Variants in ASIC2 observed in about 807,000 individuals in gnomAD.
The protein encoded by ASIC2 is acid sensing ion channel subunit 2.
Under a neutral mutation model 57.3 loss-of-function variants are expected in ASIC2, and 25 were observed. The ratio of observed to expected loss-of-function variants is 0.44; its 90% CI spans 0.32 to 0.61. The LOEUF (loss-of-function observed/expected upper bound fraction) is 0.61. ASIC2 is among the 20% of genes least tolerant of loss of function. The probability of loss-of-function intolerance (pLI) is 0.06; values close to 1 mark genes in which losing one functional copy is unlikely to be tolerated. For missense variants in ASIC2, 641 were observed against 738.1 expected (o/e 0.87, Z 1.52); for synonymous variants, 319 against 307.5 (o/e 1.04, Z -0.39).
At chr17:34,054,027 A>T (rs1276961349) in intron 1 of ASIC2, among the ~76,000 whole-genome samples, 1 of 152,266 alleles carries the variant, frequency 6.6e-6, no homozygotes, top group Non-Finnish European at 1.5e-5. Flanking sequence ...ACCAGAGCAG[A>T]CCTTGTAGAG....
At chr17:33,633,752 A>G (rs1906253763) in intron 1 of ASIC2, among the ~76,000 whole-genome samples, 1 of 152,306 alleles carries the variant, frequency 6.6e-6, no homozygotes. Flanking sequence ...AGCCTGTCCT[A>G]TTCTAAGGCA....
chr17:33,670,813 G>A (rs35207850), intron 1 of ASIC2, among the ~76,000 whole-genome samples: 8,060 of 152,286 alleles, frequency 0.053, 564 homozygotes, highest in African/African-American at 0.16. Context: ...ATGTGCACCA[G>A]TCCTAGAGTT....
chr17:34,095,450 G>T (rs1458751772), intron 1 of ASIC2, among the ~76,000 whole-genome samples: 2 of 151,860 alleles, frequency 1.3e-5, no homozygotes, highest in Admixed American at 6.6e-5. Flanking sequence ...GGGTTTTATT[G>T]TAAGTGGTTT....
rs185887563 is a variant in ASIC2 at position 33,873,221 on chromosome 17, C to A, written c.555+282757G>T. The stretch of plus-strand genomic sequence containing the variant: ...CTTGGTCAAAATCTTTCTCCCAAGA[C>A]GACAAAGATAAGGATTATCCCCCTT... On this transcript the variant is annotated intron_variant, in intron 1 of 9. Coordinates refer to the ASIC2 transcript ENST00000359872. Among the ~76,000 whole-genome samples, 8 of 152,246 alleles carry A rather than the reference C, an allele frequency of 5.3e-5. No individual in the cohort carries two copies. In the South Asian group the frequency reaches 1.7e-3, roughly 32 times the overall value.
At position 33,157,237 on chromosome 17, in the gene ASIC2, G is replaced by A. The variant is rs117423385; in HGVS notation, c.709-45170C>T. Among the ~76,000 whole-genome samples, 609 of 152,232 alleles carry A rather than the reference G, an allele frequency of 4.0e-3. 2 individuals are homozygous for A. The highest frequency in any genetic ancestry group is 6.2e-3 in the Admixed American group (95 of 15,292). The stretch of plus-strand genomic sequence containing the variant: ...GGGAAACCAACCAATCAGGGCTTCT[G>A]ACAAAATGAAGGCCAAGAATGATGT... On this transcript the variant is annotated intron_variant, in intron 1 of 9. Transcript: ENST00000225823.
intron 1 of ASIC2, among the ~76,000 whole-genome samples, chr17:33,662,794 A>G (rs1024535032): frequency 8.6e-6 from 1 of 115,618 alleles, no homozygotes; most frequent in Admixed American, 1.2e-4. Flanking sequence ...TTTTCTTCCC[A>G]GAATTTAAGG....
Position 33,137,750 on chromosome 17 carries a change from T to C in ASIC2, c.709-25683A>G, listed in dbSNP as rs537480146. The stretch of plus-strand genomic sequence containing the variant: ...CTCAGGAAGTGCCTGACAGCAGGAA[T>C]AGAGTACATGGAGGTGATATGGGAC... On this transcript the variant is annotated intron_variant, in intron 1 of 9. Transcript: ENST00000225823. 5.3e-5 allele frequency among the ~76,000 whole-genome samples: 8 copies of C among 152,308 alleles called. No homozygotes were observed. The South Asian group carries it at 1.7e-3, about 32-fold the overall frequency.
intron 1 of ASIC2, among the ~76,000 whole-genome samples, chr17:33,687,722 G>A (rs1908239619): frequency 6.6e-6 from 1 of 152,222 alleles, no homozygotes; most frequent in Non-Finnish European, 1.5e-5. Flanking sequence ...TTCATTGGAT[G>A]TAGTTTACGG....
At position 33,377,103 on chromosome 17, in the gene ASIC2, T is replaced by G. The variant is rs188177062; in HGVS notation, c.556-265036A>C. ...TCATGCTCTGTAACCCAGGCTGGAG[T>G]GCAGTGGCTTGATGTCTGCTCACTG... On this transcript the variant is annotated intron_variant, in intron 1 of 9. Transcript: ENST00000359872. Among the ~76,000 whole-genome samples, 24 of 152,134 alleles carry G rather than the reference T, an allele frequency of 1.6e-4. No individual in the cohort carries two copies. In the East Asian group the frequency reaches 4.1e-3, roughly 26 times the overall value.
intron 1 of ASIC2, among the ~76,000 whole-genome samples, chr17:33,563,995 A>G (rs576008578): frequency 2.6e-5 from 4 of 152,352 alleles, no homozygotes; most frequent in Middle Eastern, 3.4e-3. Flanking sequence ...TGGCTAAAGT[A>G]GAAATCAGGG....
At chr17:33,225,119 T>G (rs567211420) in intron 1 of ASIC2, among the ~76,000 whole-genome samples, 5 of 152,188 alleles carry the variant, frequency 3.3e-5, no homozygotes, top group Non-Finnish European at 7.3e-5. Context: ...CAGCGTTCTA[T>G]CAAAATGAAA....
intron 3 of ASIC2, among the ~76,000 whole-genome samples, chr17:33,075,241 C>G (rs2092084770): frequency 6.6e-6 from 1 of 152,184 alleles, no homozygotes; most frequent in African/African-American, 2.4e-5. Flanking sequence ...CTCTCATTCT[C>G]TCTTGTCTGC....
intron 1 of ASIC2, among the ~76,000 whole-genome samples, chr17:33,413,097 G>A (rs78893578): frequency 6.6e-6 from 1 of 152,030 alleles, no homozygotes; most frequent in African/African-American, 2.4e-5. Context: ...GGGCATAGGG[G>A]GTGCCATTGA....
At chr17:34,030,705 T>C (rs181611489) in intron 1 of ASIC2, among the ~76,000 whole-genome samples, 24 of 152,348 alleles carry the variant, frequency 1.6e-4, no homozygotes, top group African/African-American at 5.8e-4. Context: ...ACCAGGAGAT[T>C]ATATCAAGCA....
intron 1 of ASIC2, among the ~76,000 whole-genome samples, chr17:33,650,993 G>T (rs1420710557): frequency 6.6e-6 from 1 of 152,152 alleles, no homozygotes; most frequent in East Asian, 1.9e-4. Context: ...TAGGTAAAAG[G>T]CATACAGGAT....
At chr17:34,066,628 T>G (rs1598003728) in intron 1 of ASIC2, among the ~76,000 whole-genome samples, 1 of 152,220 alleles carries the variant, frequency 6.6e-6, no homozygotes, top group East Asian at 1.9e-4. Flanking sequence ...ACAGGCATTA[T>G]GTCCCATACA....
chr17:33,855,044 G>C (rs376904558), intron 1 of ASIC2, among the ~76,000 whole-genome samples: 1 of 152,164 alleles, frequency 6.6e-6, no homozygotes, highest in African/African-American at 2.4e-5. Flanking sequence ...GATGGGGGCA[G>C]GGGATGGAAG....
intron 1 of ASIC2, among the ~76,000 whole-genome samples, chr17:34,141,205 C>T (rs985082461): frequency 6.0e-5 from 9 of 150,146 alleles, no homozygotes; most frequent in African/African-American, 2.0e-4. Flanking sequence ...AAAACAGAAA[C>T]ATTGTAAGAA....
intron 7 of ASIC2, among the ~76,000 whole-genome samples, chr17:33,018,386 G>T (rs1243529020): frequency 1.3e-5 from 2 of 152,202 alleles, no homozygotes; most frequent in Non-Finnish European, 2.9e-5. Context: ...TCTGGATGTC[G>T]GGATTTTTAA....
Sources: gnomAD v4.1 joint callset for allele counts (sites outside exome capture counted in the v4.1 genomes callset) on GRCh38, gnomAD v4.1.1 for gene constraint, MANE v1.5 for transcripts, NCBI Gene and HGNC (gene_info 2026-07-23, HGNC 2026-07-21) for gene names.